Variants in LMCD1 observed in about 807,000 individuals in gnomAD.
LMCD1 encodes LIM and cysteine rich domains 1, also known as LIM and cysteine-rich domains protein 1.
Under a neutral mutation model 42.7 loss-of-function variants are expected in LMCD1, and 32 were observed. The ratio of observed to expected loss-of-function variants is 0.75; its 90% confidence interval spans 0.57 to 1.01. LMCD1 has a LOEUF of 1.01. Ranked by LOEUF, LMCD1 falls within the 50% of genes least tolerant of loss-of-function variation. The probability of loss-of-function intolerance (pLI) is 0.00; values close to 1 mark genes in which losing one functional copy is unlikely to be tolerated. For missense variants in LMCD1, 458 were observed against 483.1 expected, an observed-to-expected ratio of 0.95 and a Z score of 0.49; for synonymous variants, 178 against 184.9, an observed-to-expected ratio of 0.96 and a Z score of 0.30.
At chr3:8,533,446 C>T (rs117202970) in intron 2 of LMCD1, among the ~76,000 whole-genome samples, 1 of 152,222 alleles carries the variant, frequency 6.6e-6, no homozygotes, top group East Asian at 1.9e-4. Flanking sequence ...TGGATGGCAC[C>T]TCTGGAGTGT....
chr3:8,563,735 G>C (rs1378036238), intron 4 of LMCD1, among the ~76,000 whole-genome samples: 1 of 152,170 alleles, frequency 6.6e-6, no homozygotes, highest in African/African-American at 2.4e-5. Flanking sequence ...TGGAAGTGGG[G>C]AGAAGAGTCA....
At chr3:8,504,894 G>A (rs564293123) in intron 1 of LMCD1, among the ~76,000 whole-genome samples, 1 of 152,320 alleles carries the variant, frequency 6.6e-6, no homozygotes, top group South Asian at 2.1e-4. Flanking sequence ...AGTTATTAGT[G>A]CAGGCTTTGG....
intron 4 of LMCD1, among the ~76,000 whole-genome samples, chr3:8,552,578 G>A (rs899427676): frequency 2.6e-5 from 4 of 152,164 alleles, no homozygotes; most frequent in African/African-American, 9.7e-5. Flanking sequence ...ATGCTGGTCT[G>A]GGGCTACACT....
At chr3:8,515,663 T>C (rs1156239931) in intron 1 of LMCD1, among the ~76,000 whole-genome samples, 3 of 151,558 alleles carry the variant, frequency 2.0e-5, no homozygotes, top group Non-Finnish European at 4.4e-5. Flanking sequence ...GAAAAGGGAG[T>C]GGGATGGAAT....
Position 8,501,934 on chromosome 3 carries a change from A to G in LMCD1, c.-5A>G, listed in dbSNP as rs1693732151. 1 of 1,592,622 alleles carries G rather than the reference A, an allele frequency of 6.3e-7. No individual in the cohort carries two copies. Among genetic ancestry groups the G allele is most frequent in the Middle Eastern group, 1.7e-4 (1 of 6,026 alleles). On this transcript the variant is annotated 5_prime_UTR_variant, in exon 1 of 6. Transcript: ENST00000157600. The stretch of plus-strand genomic sequence containing the variant: ...CCAGGCGCTGTTCCCCCACCCCAGA[A>G]GAGGATGGCAAAGGTGGCTAAGGAC...
intron 1 of LMCD1, among the ~76,000 whole-genome samples, chr3:8,524,373 T>C (rs1694259440): frequency 6.6e-6 from 1 of 152,028 alleles, no homozygotes; most frequent in African/African-American, 2.4e-5. Flanking sequence ...GGTCTCAGTA[T>C]CCATGAGTGC....
At chr3:8,525,989 T>C (rs758765637) in intron 1 of LMCD1, among the ~76,000 whole-genome samples, 14 of 152,340 alleles carry the variant, frequency 9.2e-5, no homozygotes, top group South Asian at 8.3e-4. Context: ...GCGTGGTCCC[T>C]GGGACAGCAG....
intron 1 of LMCD1, among the ~76,000 whole-genome samples, chr3:8,507,761 C>T (rs1693911474): frequency 6.6e-5 from 10 of 152,180 alleles, no homozygotes; most frequent in Admixed American, 6.5e-4. Context: ...CACATAATGA[C>T]AGATTAAGAA....
intron 1 of LMCD1, among the ~76,000 whole-genome samples, chr3:8,527,291 T>C (rs6443193): frequency 0.44 from 66,500 of 152,010 alleles, 15,340 homozygotes; most frequent in Non-Finnish European, 0.52. Flanking sequence ...CCACCACCAC[T>C]GCCTTCAAAG....
intron 4 of LMCD1, among the ~76,000 whole-genome samples, chr3:8,553,011 G>A (rs1694867920): frequency 6.6e-6 from 1 of 152,158 alleles, no homozygotes; most frequent in Non-Finnish European, 1.5e-5. Context: ...ATTTATGTGG[G>A]ATAGGGGGTG....
In LMCD1 at chr3:8,537,410, G is replaced by A; in HGVS notation, c.357G>A (p.Glu119=). ...KDPTFDTITY[E]WAPPGVTQKL... is the part of the protein sequence containing the mutation. ...CCACTTTTGACACCATCACCTACGA[G>A]TGGGCTCCCCCTGGAGTCACCCAGA... The change falls in exon 3 of 6, where the codon GAG becomes GAA. Residue 119 remains glutamate (E), a synonymous_variant. Coordinates refer to ENST00000157600, the MANE Select transcript of LMCD1 (RefSeq NM_014583.4). 1 of 1,606,256 alleles carries A rather than the reference G, an allele frequency of 6.2e-7. No individual in the cohort carries two copies. The highest frequency in any genetic ancestry group is 8.5e-7 in the Non-Finnish European group (1 of 1,174,168).
At chr3:8,504,808 C>G (rs1693845097) in intron 1 of LMCD1, among the ~76,000 whole-genome samples, 1 of 152,150 alleles carries the variant, frequency 6.6e-6, no homozygotes, top group African/African-American at 2.4e-5. Context: ...TAACAAAGGG[C>G]CTTGAAGGCC....
chr3:8,556,247 T>C (rs964265409), intron 4 of LMCD1, among the ~76,000 whole-genome samples: 1 of 152,192 alleles, frequency 6.6e-6, no homozygotes, highest in African/African-American at 2.4e-5. Flanking sequence ...AAGACACTCT[T>C]AGCAAAGTTA....
intron 4 of LMCD1, among the ~76,000 whole-genome samples, chr3:8,557,992 C>T (rs1161257926): frequency 6.6e-6 from 1 of 152,148 alleles, no homozygotes; most frequent in Non-Finnish European, 1.5e-5. Flanking sequence ...ACGTGGTTGC[C>T]CTCAGATGGA....
chr3:8,569,432 T>C lies in LMCD1; in HGVS notation c.*1834T>C, dbSNP rs1417252366. ...ATCATTCATTCATCCATTCCACAAGTATTTCAGTGAGCACGGCAAAGTTCC... is the reference window on the plus strand; with the variant it reads ...ATCATTCATTCATCCATTCCACAAGCATTTCAGTGAGCACGGCAAAGTTCC... On this transcript the variant is annotated 3_prime_UTR_variant, in exon 6 of 6. Coordinates refer to ENST00000157600, the MANE Select transcript of LMCD1 (RefSeq NM_014583.4). 2 of 152,276 alleles carry C rather than the reference T, an allele frequency of 1.3e-5. No homozygotes were observed. The highest frequency in any genetic ancestry group is 4.8e-5 in the African/African-American group (2 of 41,550). The allele number at this position is 152,276 out of a possible 1,614,324, so 9.4% of individuals were successfully genotyped here.
At chr3:8,545,955 C>T (rs1235357524) in intron 3 of LMCD1, among the ~76,000 whole-genome samples, 1 of 152,108 alleles carries the variant, frequency 6.6e-6, no homozygotes, top group Non-Finnish European at 1.5e-5. Context: ...GGCGAAACCC[C>T]GTCTCTACTA....
chr3:8,532,455 G>A (rs889439697), intron 1 of LMCD1, among the ~76,000 whole-genome samples: 1 of 152,114 alleles, frequency 6.6e-6, no homozygotes, highest in Non-Finnish European at 1.5e-5. Flanking sequence ...TTTCCAACCA[G>A]TCTTGCTGTT....
intron 1 of LMCD1, among the ~76,000 whole-genome samples, chr3:8,512,490 C>T (rs912944810): frequency 1.3e-5 from 2 of 152,174 alleles, no homozygotes; most frequent in African/African-American, 4.8e-5. Context: ...TGAAAAATAA[C>T]ATTATGGTGA....
intron 3 of LMCD1, among the ~76,000 whole-genome samples, chr3:8,542,867 C>T (rs371283527): frequency 6.6e-6 from 1 of 152,152 alleles, no homozygotes; most frequent in African/African-American, 2.4e-5. Context: ...AATGGGTTAA[C>T]GTGTGTGAAG....
Sources: gnomAD v4.1 joint callset for allele counts (sites outside exome capture counted in the v4.1 genomes callset) on GRCh38, gnomAD v4.1.1 for gene constraint, MANE v1.5 for transcripts, NCBI Gene and HGNC (gene_info 2026-07-23, HGNC 2026-07-21) for gene names.